GFI1B: variants seen among roughly 807,000 people sequenced by gnomAD.
GFI1B encodes the protein zinc finger protein Gfi-1b.
GFI1B carries 20 observed loss-of-function variants against 35.3 expected under a neutral mutation model. The ratio of observed to expected loss-of-function variants is 0.57; its 90% CI spans 0.40 to 0.82. The LOEUF (loss-of-function observed/expected upper bound fraction) is 0.82, where lower values mean the gene tolerates loss of function less well. Among genes scored for constraint, GFI1B ranks in the 40% least tolerant of loss-of-function variants. The pLI is 0.00. For missense variants in GFI1B, 430 were observed against 446.3 expected (o/e 0.96, Z 0.33); for synonymous variants, 178 against 177.6 (o/e 1.00, Z -0.02).
intron 1 of GFI1B, among the ~76,000 whole-genome samples, chr9:132,968,526 T>C (rs953944430): frequency 6.6e-6 from 1 of 152,242 alleles, no homozygotes; most frequent in African/African-American, 2.4e-5. Flanking sequence ...TAACTATTGT[T>C]GAATATAGGT....
At position 132,989,084 on chromosome 9, in the gene GFI1B, C is replaced by T. The variant is rs141891004; in HGVS notation, c.534C>T (p.Leu178=). ...AGGTCTTCTCCACCCCTCACGGGCT[C>T]GAAGTGCATGTGCGACGCTCCCATA... The part of the protein sequence containing the change: ...CNKVFSTPHG[L]EVHVRRSHSG... The change falls in exon 5 of 7, where the codon CTC becomes CTT. Residue 178 remains leucine (L), a synonymous_variant. Transcript: ENST00000372122. This position sits in a 1 kb window ranked among gnomAD's most constrained non-coding sequence, Gnocchi z 6.2. The T allele has an allele frequency of 8.7e-6, 14 of 1,613,946 alleles. No homozygotes were observed. Among genetic ancestry groups the T allele is most frequent in the African/African-American group, 5.3e-5 (4 of 74,926 alleles).
At chr9:132,980,990 G>A (rs12005255) in intron 1 of GFI1B, among the ~76,000 whole-genome samples, 4,689 of 152,236 alleles carry the variant, frequency 0.031, 229 homozygotes, top group African/African-American at 0.11. Flanking sequence ...CTGCCTCCCG[G>A]GTTCAAGCGA....
rs748303990 is a variant in GFI1B at position 132,989,107 on chromosome 9, A to G, written c.557A>G (p.His186Arg). Residue 186 changes from histidine to arginine, a missense_variant, in exon 5 of 7, where the codon CAT (histidine) becomes CGT (arginine). Transcript: ENST00000372122. The surrounding 1 kb of genome is among the most constrained non-coding windows in gnomAD (Gnocchi z 6.2). ...CTCGAAGTGCATGTGCGACGCTCCC[A>G]TAGTGGGACCCGGCCCTTCGCCTGT... ...HGLEVHVRRS[H>R]SGTRPFACDI... is the part of the protein sequence containing the mutation. The G allele has an allele frequency of 1.4e-5, 23 of 1,614,054 alleles. No individual in the cohort carries two copies. The highest frequency in any genetic ancestry group is 1.8e-5 in the Non-Finnish European group (21 of 1,179,904).
chr9:132,957,402 C>T (rs1366562128), intron 1 of GFI1B, among the ~76,000 whole-genome samples: 1 of 152,236 alleles, frequency 6.6e-6, no homozygotes, highest in African/African-American at 2.4e-5. Context: ...GTTCTAAGCA[C>T]TCTACATGTA....
chr9:132,948,042 T>G (rs1265065194), intron 1 of GFI1B, among the ~76,000 whole-genome samples: 3 of 152,110 alleles, frequency 2.0e-5, no homozygotes, highest in African/African-American at 7.2e-5. Flanking sequence ...TTAAGCTAGG[T>G]TACGGTTCGT....
intron 1 of GFI1B, among the ~76,000 whole-genome samples, chr9:132,949,113 C>A (rs1375613917): frequency 1.3e-5 from 2 of 152,196 alleles, no homozygotes; most frequent in Non-Finnish European, 2.9e-5. Context: ...TGCTTCAGCA[C>A]CTCTTTTTTC....
At position 132,988,249 on chromosome 9, in the gene GFI1B, C is replaced by T. The variant is rs1386804260; in HGVS notation, c.291C>T (p.Asp97=). 2 of 1,613,818 alleles carry T rather than the reference C, an allele frequency of 1.2e-6. No individual in the cohort carries two copies. Among genetic ancestry groups the T allele is most frequent in the African/African-American group, 1.3e-5 (1 of 74,914 alleles). Residue 97 remains aspartate, a synonymous_variant, in exon 4 of 7, where the codon GAC becomes GAT. Transcript: ENST00000372122. ...AGGATGGGGACTCTCCACTGTCCGA[C>T]TCACCCCCATTCTACAAGCCTAGCT... The part of the protein sequence containing the change: ...RPQDGDSPLS[D]SPPFYKPSFS...
At chr9:132,968,602 T>G (rs1054479503) in intron 1 of GFI1B, among the ~76,000 whole-genome samples, 4 of 152,208 alleles carry the variant, frequency 2.6e-5, no homozygotes, top group Non-Finnish European at 4.4e-5. Flanking sequence ...TTATATAATA[T>G]AAATGTTTAA....
chr9:132,984,266 C>T (rs1276867318), intron 1 of GFI1B, among the ~76,000 whole-genome samples: 2 of 152,162 alleles, frequency 1.3e-5, no homozygotes, highest in South Asian at 2.1e-4. Flanking sequence ...TCTGGCCTCC[C>T]CATGGGCTTT....
At chr9:132,964,949 A>G (rs1848428005) in intron 1 of GFI1B, among the ~76,000 whole-genome samples, 1 of 151,996 alleles carries the variant, frequency 6.6e-6, no homozygotes, top group Admixed American at 6.6e-5. Context: ...CATGTTGGCC[A>G]GGCTGGTCCT....
chr9:132,985,484 G>T (rs1422375322), intron 1 of GFI1B, among the ~76,000 whole-genome samples: 1 of 152,130 alleles, frequency 6.6e-6, no homozygotes, highest in African/African-American at 2.4e-5. Context: ...GGAGTTGGGG[G>T]TCCTCTCAGG....
upstream of GFI1B, among the ~76,000 whole-genome samples, chr9:132,974,170 A>G (rs1848583945): frequency 6.6e-6 from 1 of 152,204 alleles, no homozygotes; most frequent in Non-Finnish European, 1.5e-5. Flanking sequence ...TGAAGATATC[A>G]TTAGTGTCTC....
intron 6 of GFI1B, 22 bp from the exon 7 acceptor site, chr9:132,990,850 T>C (rs1849269492): frequency 6.2e-7 from 1 of 1,613,534 alleles, no homozygotes; most frequent in African/African-American, 1.3e-5. Context: ...GCCCTTGCTG[T>C]GCTGCGCTGC....
In GFI1B at chr9:132,991,081, C is replaced by T; in HGVS notation, c.*31C>T. The T allele has an allele frequency of 1.9e-6, 3 of 1,603,678 alleles. No individual in the cohort carries two copies. The highest frequency in any genetic ancestry group is 2.6e-6 in the Non-Finnish European group (3 of 1,174,962). Reference sequence around the variant, plus strand: ...CGCCGGCTCCCAGCTCCTGGCCAGCCTGCCCTGCGGTCCTGTCACCTGGAG... The same window carrying T: ...CGCCGGCTCCCAGCTCCTGGCCAGCTTGCCCTGCGGTCCTGTCACCTGGAG... On this transcript the variant is annotated 3_prime_UTR_variant, in exon 7 of 7. Coordinates refer to ENST00000372122, the MANE Select transcript of GFI1B (RefSeq NM_001377304.1).
chr9:132,992,148 G>A (rs541949116), downstream of GFI1B, among the ~76,000 whole-genome samples: 5 of 152,154 alleles, frequency 3.3e-5, no homozygotes, highest in Admixed American at 6.5e-5. Flanking sequence ...TCTGATCTTG[G>A]CCCCTTCCTC....
At chr9:132,954,945 T>G (rs1203093449) in intron 1 of GFI1B, among the ~76,000 whole-genome samples, 1 of 152,132 alleles carries the variant, frequency 6.6e-6, no homozygotes, top group African/African-American at 2.4e-5. Context: ...TCTCGATCTC[T>G]TGACCTCATG....
At chr9:132,967,454 T>G (rs115264248) in intron 1 of GFI1B, among the ~76,000 whole-genome samples, 1,973 of 152,044 alleles carry the variant, frequency 0.013, 38 homozygotes, top group African/African-American at 0.045. Flanking sequence ...GGGCAGGGGG[T>G]GCTCTTCCAT....
At chr9:132,990,325 A>ACTCATTCATTCATTT (rs1849249015) in intron 6 of GFI1B, among the ~76,000 whole-genome samples, 1 of 147,484 alleles carries the variant, frequency 6.8e-6, no homozygotes, top group African/African-American at 2.5e-5. Context: ...TCATTTGTTC[A>ACTCATTCATTCATTT]GTCATTCATT....
chr9:132,978,334 A>G (rs1490815173), upstream of GFI1B, among the ~76,000 whole-genome samples: 1 of 148,018 alleles, frequency 6.8e-6, no homozygotes, highest in East Asian at 2.4e-4. Context: ...AAAAGGCAAG[A>G]GAAAAGAAAG....
Sources: gnomAD v4.1 joint callset for allele counts (sites outside exome capture counted in the v4.1 genomes callset) on GRCh38, gnomAD v4.1.1 for gene constraint, Gnocchi (gnomAD v3.1) non-coding constraint, MANE v1.5 for transcripts, NCBI Gene and HGNC (gene_info 2026-07-23, HGNC 2026-07-21) for gene names.